Variants in FRMD3 observed in about 807,000 individuals in gnomAD.
The protein encoded by FRMD3 is FERM domain containing 3, also known as FERM domain-containing protein 3.
A neutral mutation model predicts 70.2 loss-of-function variants in FRMD3; 33 were observed. That is an observed-to-expected ratio of 0.47 (90% CI 0.36 to 0.63). The LOEUF (loss-of-function observed/expected upper bound fraction) is 0.63, where lower values mean the gene tolerates loss of function less well. Among genes scored for constraint, FRMD3 ranks in the 20% least tolerant of loss-of-function variants. The pLI is 0.00. For missense variants in FRMD3, 632 were observed against 711.4 expected (o/e 0.89, Z 1.27); for synonymous variants, 279 against 255.9 (o/e 1.09, Z -0.86).
chr9:83,252,016 T>C (rs1832451285), intron 13 of FRMD3, among the ~76,000 whole-genome samples: 1 of 152,078 alleles, frequency 6.6e-6, no homozygotes, highest in Admixed American at 6.5e-5. Context: ...ACTCAGGAAA[T>C]GCAGAGAACC....
At chr9:83,549,953 A>C in the FRMD3 span, among the ~76,000 whole-genome samples, 10 of 152,146 alleles carry the variant, frequency 6.6e-5, no homozygotes, top group Admixed American at 5.9e-4. Flanking sequence ...CTAAAGTTTA[A>C]TTAGGTCTCA....
chr9:83,367,133 A>G (rs1434725431), intron 3 of FRMD3, among the ~76,000 whole-genome samples: 3 of 152,246 alleles, frequency 2.0e-5, no homozygotes. Flanking sequence ...ACATTCAAAA[A>G]TATGCAATTC....
At chr9:83,271,381 G>T (rs1003935931) in intron 13 of FRMD3, among the ~76,000 whole-genome samples, 1 of 152,184 alleles carries the variant, frequency 6.6e-6, no homozygotes, top group East Asian at 1.9e-4. Flanking sequence ...ATACTTCAGA[G>T]GACTTTTTAA....
intron 1 of FRMD3, among the ~76,000 whole-genome samples, chr9:83,503,924 A>T (rs1387579696): frequency 6.6e-6 from 1 of 152,174 alleles, no homozygotes; most frequent in Non-Finnish European, 1.5e-5. Flanking sequence ...TGTGTGATTA[A>T]CACTAGCTAG....
In FRMD3 at chr9:83,252,597, C is replaced by T. The variant is rs141257708; in HGVS notation, c.1196-4081G>A. Among the ~76,000 whole-genome samples the T allele has an allele frequency of 1.8e-3, 270 of 152,250 alleles. 2 individuals are homozygous for T. The highest frequency in any genetic ancestry group is 6.0e-3 in the African/African-American group (249 of 41,546). ...GCAAACTGGGAAAAGAGCCAAGACC[C>T]ATCAATATGCTGTCTTCAAGAGACC... is the stretch of plus-strand genomic sequence containing the variant. On this transcript the variant is annotated intron_variant, in intron 13 of 13. Coordinates refer to ENST00000304195, the MANE Select transcript of FRMD3 (RefSeq NM_174938.6).
intron 5 of FRMD3, among the ~76,000 whole-genome samples, chr9:83,338,495 T>C (rs1023100231): frequency 1.3e-5 from 2 of 152,100 alleles, no homozygotes; most frequent in African/African-American, 2.4e-5. Flanking sequence ...GTGGGACAGC[T>C]AGATAAGTAA....
intron 1 of FRMD3, among the ~76,000 whole-genome samples, chr9:83,488,808 G>A (rs1828743956): frequency 2.0e-5 from 3 of 152,110 alleles, no homozygotes; most frequent in Non-Finnish European, 4.4e-5. Flanking sequence ...TAAAGAGCAT[G>A]AATGATAAAT....
chr9:83,290,831 A>AGTTC, intron 12 of FRMD3, 104 bp from the exon 13 acceptor site: 18 of 1,158,920 alleles, frequency 1.6e-5, no homozygotes, highest in Non-Finnish European at 2.1e-5. Flanking sequence ...ACAGGGAACT[A>AGTTC]CCTCCAGACA....
intron 3 of FRMD3, among the ~76,000 whole-genome samples, chr9:83,357,250 TATATATA>T (rs1824408862): frequency 1.2e-4 from 1 of 8,614 alleles, no homozygotes; most frequent in Non-Finnish European, 1.9e-4. Context: ...TACATACATA[TATATATA>T]TATATATATA....
intron 1 of FRMD3, among the ~76,000 whole-genome samples, chr9:83,526,389 C>A (rs1246987452): frequency 6.6e-6 from 1 of 152,218 alleles, no homozygotes; most frequent in African/African-American, 2.4e-5. Context: ...ATGTGGAACT[C>A]ATCCCAGATT....
intron 13 of FRMD3, among the ~76,000 whole-genome samples, chr9:83,285,453 T>C (rs1834167922): frequency 6.6e-6 from 1 of 152,194 alleles, no homozygotes; most frequent in Admixed American, 6.5e-5. Flanking sequence ...GGTGTCTCCA[T>C]TGTGCTTTCA....
rs1364389004 is a variant in FRMD3, at chr9:83,357,249, AT to A, written c.296-7493del. Among the ~76,000 whole-genome samples the A allele has an allele frequency of 4.3e-3, 15 of 3,462 alleles. 3 individuals are homozygous for A. The highest frequency in any genetic ancestry group is 0.016 in the African/African-American group (13 of 790). 2.3% of individuals were successfully genotyped at this position (3,462 alleles called of 152,430 possible). A position where few individuals can be genotyped will look rare whatever the true frequency, so the allele number is the denominator to read the frequency against. On this transcript the variant is annotated intron_variant, in intron 3 of 13. Transcript: ENST00000304195. ...TTTTATATATATATAATACATACAT[AT>A]ATATATATATATATATATATATATA... is the stretch of plus-strand genomic sequence containing the variant.
the FRMD3 span, among the ~76,000 whole-genome samples, chr9:83,576,340 A>G: frequency 6.6e-6 from 1 of 152,240 alleles, no homozygotes; most frequent in Admixed American, 6.5e-5. Flanking sequence ...CGAACTCTAC[A>G]TTTTACCATG....
intron 13 of FRMD3, among the ~76,000 whole-genome samples, chr9:83,257,202 C>T (rs535796107): frequency 9.2e-5 from 14 of 152,064 alleles, no homozygotes; most frequent in African/African-American, 2.4e-4. Flanking sequence ...TAAAAAGGAA[C>T]GAGATCATGT....
At chr9:83,548,273 A>T in the FRMD3 span, among the ~76,000 whole-genome samples, 88 of 152,368 alleles carry the variant, frequency 5.8e-4, no homozygotes, top group African/African-American at 2.1e-3. Context: ...ACCTGCACTC[A>T]GACATTTATA....
chr9:83,555,063 C>G, the FRMD3 span, among the ~76,000 whole-genome samples: 8 of 152,152 alleles, frequency 5.3e-5, no homozygotes, highest in African/African-American at 1.9e-4. Flanking sequence ...TGGCTGCAGA[C>G]CCCAGTTAAG....
At chr9:83,501,763 T>G (rs865931665) in intron 1 of FRMD3, among the ~76,000 whole-genome samples, 50 of 152,312 alleles carry the variant, frequency 3.3e-4, no homozygotes, top group African/African-American at 1.2e-3. Context: ...TGAGAGGAAT[T>G]TCTTATTGCT....
At chr9:83,444,335 T>G (rs914351118) in intron 1 of FRMD3, among the ~76,000 whole-genome samples, 11 of 152,194 alleles carry the variant, frequency 7.2e-5, no homozygotes, top group Middle Eastern at 3.2e-3. Context: ...AAACCAAGCT[T>G]AGGTCTGGCT....
chr9:83,514,133 G>A (rs1464558310), intron 1 of FRMD3, among the ~76,000 whole-genome samples: 1 of 152,158 alleles, frequency 6.6e-6, no homozygotes, highest in African/African-American at 2.4e-5. Context: ...CCCCTGGAAA[G>A]GGGGCTGAAG....
Sources: gnomAD v4.1 joint callset for allele counts (sites outside exome capture counted in the v4.1 genomes callset) on GRCh38, gnomAD v4.1.1 for gene constraint, MANE v1.5 for transcripts, NCBI Gene and HGNC (gene_info 2026-07-23, HGNC 2026-07-21) for gene names.